Variants in ITSN1 observed in about 807,000 individuals in gnomAD.
ITSN1 encodes intersectin-1.
ITSN1 carries 58 observed loss-of-function variants against 239.8 expected under a neutral mutation model. The ratio of observed to expected loss-of-function variants is 0.24; its 90% confidence interval spans 0.20 to 0.30. The LOEUF (loss-of-function observed/expected upper bound fraction) is 0.30, where lower values mean the gene tolerates loss of function less well. Among genes scored for constraint, ITSN1 ranks in the 10% least tolerant of loss-of-function variants. ITSN1 has a pLI of 1.00. For missense variants in ITSN1, 1,558 were observed against 2,103.3 expected, an observed-to-expected ratio of 0.74 and a Z score of 5.07; for synonymous variants, 780 against 770.8, an observed-to-expected ratio of 1.01 and a Z score of -0.20.
Position 33,772,226 on chromosome 21 carries a change from G to T in ITSN1, c.1208G>T (p.Arg403Leu), listed in dbSNP as rs776643469. The T allele has an allele frequency of 3.7e-6, 6 of 1,610,662 alleles. No homozygotes were observed. Among genetic ancestry groups the T allele is most frequent in the African/African-American group, 2.7e-5 (2 of 74,948 alleles). The stretch of plus-strand genomic sequence containing the variant: ...GAGCGTGAGCGCCAGGAGCAAGAGC[G>T]CAAAAGACAACTGGAACTGGAGAAG... ...RKERERQEQE[R>L]KRQLELEKQL... Residue 403 changes from arginine to leucine, a missense_variant, in exon 12 of 40, where the codon CGC (arginine) becomes CTC (leucine). Physicochemically the swap from Arg to Leu is moderately radical, Grantham distance 102 (BLOSUM62 -2). Around this residue, in one of 2 missense-constraint regions of ITSN1, gnomAD observed 982 missense variants for 1,209.9 expected, o/e 0.81. Transcript: ENST00000381318.
chr21:33,663,470 A>C (rs1156582164), intron 1 of ITSN1, among the ~76,000 whole-genome samples: 1 of 152,258 alleles, frequency 6.6e-6, no homozygotes, highest in South Asian at 2.1e-4. Context: ...GTAATAGACC[A>C]TTGAGTCAGA....
chr21:33,718,660 A>T (rs942558540), intron 1 of ITSN1, 137 bp from the exon 2 acceptor site: 14 of 660,816 alleles, frequency 2.1e-5, no homozygotes, highest in Non-Finnish European at 3.5e-5. Flanking sequence ...CACGTGAATG[A>T]ATGAATTCCT....
intron 1 of ITSN1, among the ~76,000 whole-genome samples, chr21:33,695,573 G>A (rs1334184997): frequency 6.6e-6 from 1 of 152,210 alleles, no homozygotes; most frequent in Admixed American, 6.5e-5. Flanking sequence ...ATTTGAATGT[G>A]CAAACATACA....
chr21:33,883,793 G>A (rs1985327409), intron 36 of ITSN1, 122 bp downstream of exon 36: 4 of 1,149,778 alleles, frequency 3.5e-6, no homozygotes, highest in South Asian at 1.6e-5. Context: ...CCCTAGCTGG[G>A]AGTGGGGATG....
chr21:33,699,490 C>T (rs764970726), intron 1 of ITSN1, among the ~76,000 whole-genome samples: 3 of 152,102 alleles, frequency 2.0e-5, no homozygotes, highest in Admixed American at 6.6e-5. Context: ...GAGGCTGAGG[C>T]GGGCAGATTG....
rs1272439562 is a variant in ITSN1 at position 33,829,687 on chromosome 21, G to C, written c.3293G>C (p.Gly1098Ala). The change falls in exon 27 of 40, where the codon GGT (glycine) becomes GCT (alanine). Residue 1098 changes from glycine to alanine, a missense_variant. Gly to Ala is a moderately conservative substitution (Grantham distance 60, BLOSUM62 0). Transcript: ENST00000381318. ...CCCGAGCAGCTCACTCTCGCCCCTG[G>C]TCAGCTGATTTTGATCCGAAAAAAG... Reference protein sequence around the residue: ...TGPEQLTLAPGQLILIRKKNP... With the variant: ...TGPEQLTLAPAQLILIRKKNP... 1 of 1,612,976 alleles carries C rather than the reference G, an allele frequency of 6.2e-7. No homozygotes were observed. The highest frequency in any genetic ancestry group is 1.7e-5 in the Admixed American group (1 of 60,018).
At chr21:33,858,394 G>T (rs1293918388) in intron 30 of ITSN1, among the ~76,000 whole-genome samples, 2 of 152,232 alleles carry the variant, frequency 1.3e-5, no homozygotes, top group Non-Finnish European at 2.9e-5. Context: ...GCATGACTTG[G>T]TACCGGCCTC....
chr21:33,705,410 C>CA (rs2092211843), intron 1 of ITSN1, among the ~76,000 whole-genome samples: 1 of 152,054 alleles, frequency 6.6e-6, no homozygotes, highest in African/African-American at 2.4e-5. Context: ...TTTTTTGAGA[C>CA]AGAGTCTCGC....
chr21:33,662,874 A>T (rs986674681), intron 1 of ITSN1, among the ~76,000 whole-genome samples: 5 of 152,190 alleles, frequency 3.3e-5, no homozygotes, highest in Non-Finnish European at 1.5e-5. Context: ...AATTTTGTGA[A>T]CTAGATGACA....
intron 5 of ITSN1, among the ~76,000 whole-genome samples, chr21:33,748,827 TTCA>T (rs1235586050): frequency 1.3e-5 from 2 of 152,098 alleles, no homozygotes; most frequent in Non-Finnish European, 2.9e-5. Context: ...ATCATGCCAT[TTCA>T]CTCTAGCTTG....
At chr21:33,790,828 G>A (rs2071070150) in intron 16 of ITSN1, among the ~76,000 whole-genome samples, 4 of 152,106 alleles carry the variant, frequency 2.6e-5, no homozygotes, top group Admixed American at 2.6e-4. Flanking sequence ...TCCTAGATAT[G>A]TAATTTAATG....
At chr21:33,804,332 A>C (rs1182074520) in intron 20 of ITSN1, among the ~76,000 whole-genome samples, 1 of 152,234 alleles carries the variant, frequency 6.6e-6, no homozygotes, top group Non-Finnish European at 1.5e-5. Flanking sequence ...CAAAAATTTA[A>C]TGTGGTACCT....
chr21:33,831,414 T>G (rs73900372), intron 27 of ITSN1, among the ~76,000 whole-genome samples: 1 of 152,334 alleles, frequency 6.6e-6, no homozygotes, highest in African/African-American at 2.4e-5. Flanking sequence ...GGGAACCCTT[T>G]GGTGGCTATT....
chr21:33,732,898 G>C (rs920699301), intron 4 of ITSN1, among the ~76,000 whole-genome samples: 4 of 152,140 alleles, frequency 2.6e-5, no homozygotes, highest in African/African-American at 9.7e-5. Context: ...TATGAAAAAA[G>C]TGATACAATT....
chr21:33,791,238 T>G (rs756410358), intron 16 of ITSN1, among the ~76,000 whole-genome samples: 2 of 152,246 alleles, frequency 1.3e-5, no homozygotes, highest in Non-Finnish European at 2.9e-5. Flanking sequence ...CTTACAACTG[T>G]GTATCTCAGC....
intron 25 of ITSN1, among the ~76,000 whole-genome samples, chr21:33,823,945 G>GACTT (rs932092719): frequency 6.6e-6 from 1 of 152,208 alleles, no homozygotes; most frequent in Non-Finnish European, 1.5e-5. Flanking sequence ...GCCTGTAACT[G>GACTT]ACTTACGCTT....
chr21:33,871,992 A>G (rs900212435), intron 33 of ITSN1, among the ~76,000 whole-genome samples: 3 of 152,260 alleles, frequency 2.0e-5, no homozygotes, highest in African/African-American at 7.2e-5. Flanking sequence ...GGCTCATACT[A>G]GGCAGTATAT....
intron 16 of ITSN1, among the ~76,000 whole-genome samples, chr21:33,791,159 T>C (rs895457276): frequency 6.6e-6 from 1 of 152,230 alleles, no homozygotes; most frequent in Admixed American, 6.5e-5. Flanking sequence ...ATTCATGCCA[T>C]AGTAAACTCT....
At chr21:33,695,493 A>G (rs984234426) in intron 1 of ITSN1, among the ~76,000 whole-genome samples, 10 of 152,236 alleles carry the variant, frequency 6.6e-5, no homozygotes, top group Admixed American at 3.9e-4. Flanking sequence ...AATCTTCTCC[A>G]TGGTATTTGG....
Sources: allele counts gnomAD v4.1 joint callset (sites outside exome capture counted in the v4.1 genomes callset), GRCh38; gene constraint gnomAD v4.1.1; regional missense constraint gnomAD v4.1.1; transcripts MANE v1.5; gene names NCBI Gene and HGNC (gene_info 2026-07-23, HGNC 2026-07-21).